GLIS3: variants seen among roughly 807,000 people sequenced by gnomAD.
GLIS3 encodes the protein GLIS family zinc finger 3, also known as zinc finger protein GLIS3.
GLIS3 carries 53 observed loss-of-function variants against 78.6 expected under a neutral mutation model. The observed-to-expected ratio is 0.67, with a 90% CI of 0.54 to 0.85. GLIS3 has a LOEUF of 0.85. Ranked by LOEUF, GLIS3 falls within the 40% of genes least tolerant of loss-of-function variation. The pLI is 0.00. For synonymous variants in GLIS3, 684 were observed against 509.9 expected (o/e 1.34, Z -4.60); for missense variants, 1,703 against 1,231.1 (o/e 1.38, Z -5.74).
At chr9:3,868,691 T>C (rs1384916377) in intron 8 of GLIS3, among the ~76,000 whole-genome samples, 1 of 152,186 alleles carries the variant, frequency 6.6e-6, no homozygotes, top group Non-Finnish European at 1.5e-5. Flanking sequence ...ATCCCCCTTA[T>C]TGGCCCAACA....
rs759750769 is a variant in GLIS3, at chr9:4,079,336, A to G, written c.1710+38432T>C. On this transcript the variant is annotated intron_variant, in intron 4 of 10. Coordinates refer to ENST00000381971, the MANE Select transcript of GLIS3 (RefSeq NM_001042413.2). ...GTCTCACAGGCTTAAGATCCTAGTC[A>G]AAGGCAAACTAGGAAAAAGACTGTC... Among the ~76,000 whole-genome samples, 195 of 152,354 alleles carry G rather than the reference A, an allele frequency of 1.3e-3. 2 individuals are homozygous for G. The highest frequency in any genetic ancestry group is 6.3e-4 in the Non-Finnish European group (43 of 68,034).
At chr9:4,143,952 GA>G (rs1337490769) in intron 2 of GLIS3, among the ~76,000 whole-genome samples, 1 of 152,244 alleles carries the variant, frequency 6.6e-6, no homozygotes, top group East Asian at 1.9e-4. Context: ...CAGTGAGAAA[GA>G]AAAGAGAATA....
At chr9:4,076,716 C>A (rs868607019) in intron 4 of GLIS3, among the ~76,000 whole-genome samples, 4 of 152,068 alleles carry the variant, frequency 2.6e-5, no homozygotes, top group African/African-American at 9.7e-5. Flanking sequence ...CACTTCATAG[C>A]CTGTCTTATT....
At chr9:3,984,491 G>A (rs950850709) in intron 4 of GLIS3, among the ~76,000 whole-genome samples, 1 of 152,190 alleles carries the variant, frequency 6.6e-6, no homozygotes, top group African/African-American at 2.4e-5. Flanking sequence ...CTCCCATTTG[G>A]AATGGCTGTA....
At chr9:4,077,671 T>C (rs1159069852) in intron 4 of GLIS3, among the ~76,000 whole-genome samples, 1 of 152,104 alleles carries the variant, frequency 6.6e-6, no homozygotes, top group East Asian at 1.9e-4. Context: ...GTAGTCCCTG[T>C]CGGCCTCTAC....
chr9:4,378,662 C>A, the GLIS3 span, among the ~76,000 whole-genome samples: 419 of 152,246 alleles, frequency 2.8e-3, 2 homozygotes, highest in African/African-American at 9.7e-3. Flanking sequence ...GGAAATCACC[C>A]ACTATTCCTA....
chr9:4,211,440 C>A (rs535823217), intron 2 of GLIS3, among the ~76,000 whole-genome samples: 103 of 152,278 alleles, frequency 6.8e-4, no homozygotes, highest in Middle Eastern at 3.4e-3. Context: ...CCATCCTGCA[C>A]GCACCTTTTT....
At chr9:4,006,888 A>G (rs945036670) in intron 4 of GLIS3, among the ~76,000 whole-genome samples, 3 of 152,238 alleles carry the variant, frequency 2.0e-5, no homozygotes, top group Non-Finnish European at 2.9e-5. Flanking sequence ...CAGCAATGCT[A>G]CAAGGTGACA....
At chr9:3,886,615 T>G (rs1822092316) in intron 7 of GLIS3, among the ~76,000 whole-genome samples, 1 of 152,222 alleles carries the variant, frequency 6.6e-6, no homozygotes, top group Non-Finnish European at 1.5e-5. Context: ...CCTTCAGGCA[T>G]TCTGAAGAAA....
chr9:4,338,493 G>C (rs1160305169), intron 2 of GLIS3, among the ~76,000 whole-genome samples: 1 of 151,950 alleles, frequency 6.6e-6, no homozygotes, highest in African/African-American at 2.4e-5. Context: ...CACCATACTA[G>C]ACAACCTATG....
At chr9:4,441,653 C>A in the GLIS3 span, among the ~76,000 whole-genome samples, 1 of 152,084 alleles carries the variant, frequency 6.6e-6, no homozygotes, top group Non-Finnish European at 1.5e-5. Context: ...ATCACCCAGG[C>A]TGGAATGCAG....
chr9:3,853,323 G>T (rs1325172676), intron 9 of GLIS3, among the ~76,000 whole-genome samples: 1 of 152,156 alleles, frequency 6.6e-6, no homozygotes, highest in African/African-American at 2.4e-5. Context: ...TTGCCAAGAG[G>T]TAGGGGAAAA....
At chr9:4,047,623 C>T (rs530951598) in intron 4 of GLIS3, among the ~76,000 whole-genome samples, 1 of 152,262 alleles carries the variant, frequency 6.6e-6, no homozygotes, top group Non-Finnish European at 1.5e-5. Flanking sequence ...AAGTGACTTA[C>T]ACATGGTTCC....
intron 2 of GLIS3, among the ~76,000 whole-genome samples, chr9:4,257,544 G>C (rs576860282): frequency 4.4e-4 from 62 of 139,784 alleles, no homozygotes; most frequent in African/African-American, 1.7e-3. Flanking sequence ...ATGTTAATTT[G>C]CTTGACAAAT....
chr9:4,271,458 A>G (rs1052147640), intron 2 of GLIS3, among the ~76,000 whole-genome samples: 1 of 152,198 alleles, frequency 6.6e-6, no homozygotes, highest in African/African-American at 2.4e-5. Flanking sequence ...TAGAACTCTG[A>G]GTAACACAGA....
At chr9:4,226,526 G>A (rs1436505413) in intron 2 of GLIS3, among the ~76,000 whole-genome samples, 1 of 152,146 alleles carries the variant, frequency 6.6e-6, no homozygotes, top group Admixed American at 6.5e-5. Flanking sequence ...ACCCGACTAT[G>A]CCTAAGGGGG....
chr9:4,325,242 G>A (rs2130554408), intron 2 of GLIS3, among the ~76,000 whole-genome samples: 1 of 152,196 alleles, frequency 6.6e-6, no homozygotes, highest in East Asian at 1.9e-4. Flanking sequence ...TTACATTTGA[G>A]GCTAGCACAG....
chr9:4,396,169 T>C, the GLIS3 span, among the ~76,000 whole-genome samples: 78 of 151,890 alleles, frequency 5.1e-4, no homozygotes, highest in Middle Eastern at 3.4e-3. Flanking sequence ...TTGTGGTACA[T>C]TGGCATGATC....
chr9:4,126,642 A>C (rs116795196), intron 2 of GLIS3, among the ~76,000 whole-genome samples: 5,518 of 152,330 alleles, frequency 0.036, 327 homozygotes, highest in African/African-American at 0.12. Context: ...AAAGGAACCC[A>C]CAAGAATCTG....
Sources: allele counts gnomAD v4.1 joint callset (sites outside exome capture counted in the v4.1 genomes callset), GRCh38; gene constraint gnomAD v4.1.1; transcripts MANE v1.5; gene names NCBI Gene and HGNC (gene_info 2026-07-23, HGNC 2026-07-21).